SMIM7: variants seen among roughly 807,000 people sequenced by gnomAD.
SMIM7 encodes UPF0608 protein C19orf42.
In SMIM7, 12 loss-of-function variants were observed where a neutral mutation model predicts 13.3. The observed-to-expected ratio is 0.90, with a 90% CI of 0.58 to 1.46. SMIM7 has a LOEUF of 1.46. Ranked by LOEUF, SMIM7 falls within the 40% of genes most tolerant of loss-of-function variation. The pLI is 0.00. For missense variants in SMIM7, 114 were observed against 94.8 expected, an observed-to-expected ratio of 1.20 and a Z score of -0.84; for synonymous variants, 36 against 35.8, an observed-to-expected ratio of 1.01 and a Z score of -0.02.
chr19:16,656,143 T>C (rs2086594993), intron 3 of SMIM7, among the ~76,000 whole-genome samples: 1 of 151,988 alleles, frequency 6.6e-6, no homozygotes, highest in African/African-American at 2.4e-5. Flanking sequence ...CCCAGCACTT[T>C]GGGAGGCCGA....
intron 4 of SMIM7, chr19:16,653,111 C>T (rs1343480316): frequency 5.4e-6 from 5 of 927,856 alleles, no homozygotes; most frequent in Middle Eastern, 3.2e-4. Context: ...ACTGGTGAGA[C>T]GTGACAGGGC....
intron 4 of SMIM7, among the ~76,000 whole-genome samples, chr19:16,650,263 CATCT>C (rs1164243914): frequency 2.6e-5 from 4 of 152,184 alleles, no homozygotes; most frequent in South Asian, 2.1e-4. Flanking sequence ...CATACCTATC[CATCT>C]ATCTAACCAT....
At chr19:16,635,661 C>T (rs1568296892) in intron 4 of SMIM7, among the ~76,000 whole-genome samples, 1 of 151,838 alleles carries the variant, frequency 6.6e-6, no homozygotes, top group Non-Finnish European at 1.5e-5. Flanking sequence ...GCGGGCGGAT[C>T]ACTTGAGGTC....
At chr19:16,639,162 C>T (rs1345381806) in intron 4 of SMIM7, among the ~76,000 whole-genome samples, 4 of 149,230 alleles carry the variant, frequency 2.7e-5, no homozygotes, top group South Asian at 2.1e-4. Context: ...TGCTCTGTCG[C>T]CCAGGCTGGA....
chr19:16,639,695 C>T (rs2086391383), intron 4 of SMIM7, among the ~76,000 whole-genome samples: 1 of 152,190 alleles, frequency 6.6e-6, no homozygotes, highest in Non-Finnish European at 1.5e-5. Context: ...GGGCAGGTAA[C>T]TGAATCATGG....
In SMIM7 at chr19:16,653,094, CAGA is replaced by C. The variant is rs983780278; in HGVS notation, c.212+938_212+940del. 4 of 1,071,872 alleles carry C rather than the reference CAGA, an allele frequency of 3.7e-6. No individual in the cohort carries two copies. In the Admixed American group the frequency reaches 7.6e-5, roughly 20 times the overall value. 66.4% of individuals were successfully genotyped at this position (1,071,872 alleles called of 1,614,324 possible). On this transcript the variant is annotated intron_variant, in intron 4 of 4. Coordinates refer to ENST00000487416, the MANE Select transcript of SMIM7 (RefSeq NM_024104.4). ...ACCATATTTTCCACCTCGGCAGATGCAGAAGAACTGGTGAGACGTGACAGGGCC... is the reference window on the plus strand; with the variant it reads ...ACCATATTTTCCACCTCGGCAGATGCAGAACTGGTGAGACGTGACAGGGCC...
intron 4 of SMIM7, 88 bp downstream of exon 4, chr19:16,653,947 G>T: frequency 9.8e-7 from 1 of 1,025,502 alleles, no homozygotes; most frequent in Non-Finnish European, 1.5e-6. Context: ...AGTGATGACT[G>T]AAAAGACAGA....
chr19:16,660,105 G>A lies in SMIM7; in HGVS notation c.6C>T (p.Ile2=), dbSNP rs11555682. Residue 2 remains isoleucine (I), a synonymous_variant, in exon 1 of 5, where the codon ATC becomes ATT. Transcript: ENST00000487416. M[I]GDILLFGTLL... is the part of the protein sequence containing the mutation. ...ATTACCCGAACAGCAGGATGTCTCC[G>A]ATCATCGTTACGGCCGAAGCGTCCG... The A allele has an allele frequency of 2.2e-4, 351 of 1,614,200 alleles. No homozygotes were observed. Among genetic ancestry groups the A allele is most frequent in the Admixed American group, 5.5e-4 (33 of 60,026 alleles).
intron 4 of SMIM7, among the ~76,000 whole-genome samples, chr19:16,653,348 C>T (rs190451787): frequency 2.4e-4 from 36 of 152,190 alleles, no homozygotes; most frequent in East Asian, 1.9e-3. Flanking sequence ...TTTGGGAGGC[C>T]GAGGCAGGTG....
Position 16,654,189 on chromosome 19 carries a change from A to G in SMIM7, c.122-64T>C, listed in dbSNP as rs113348081. On this transcript the variant is annotated intron_variant, in intron 3 of 4. Transcript: ENST00000487416. ...ATCCCATCCCTACTGCCACCTCAGC[A>G]GTGGATTTTTGTGACTTCCACCCAC... The G allele has an allele frequency of 2.4e-3, 3,388 of 1,436,392 alleles. 82 individuals are homozygous for G. In the African/African-American group the frequency reaches 0.043, roughly 18 times the overall value. 89.0% of individuals were successfully genotyped at this position (1,436,392 alleles called of 1,614,324 possible).
At chr19:16,645,400 T>C (rs1339956441), downstream of SMIM7, 1 of 152,240 alleles carries the variant, frequency 6.6e-6, no homozygotes, top group East Asian at 1.9e-4. Flanking sequence ...GCCAAGATCT[T>C]GGCGTGCCTG....
At chr19:16,648,233 T>G (rs1191299949) in intron 4 of SMIM7, among the ~76,000 whole-genome samples, 1 of 152,086 alleles carries the variant, frequency 6.6e-6, no homozygotes, top group Non-Finnish European at 1.5e-5. Context: ...CTCTGACTCC[T>G]GGGTTCAAGC....
At chr19:16,654,174 T>G (rs779181265) in intron 3 of SMIM7, 49 bp from the exon 4 acceptor site, 2 of 1,489,228 alleles carry the variant, frequency 1.3e-6, no homozygotes, top group Non-Finnish European at 1.9e-6. Flanking sequence ...ATCCCATCCC[T>G]ACTGCCACCT....
chr19:16,632,666 G>A (rs1262869441), intron 4 of SMIM7, among the ~76,000 whole-genome samples: 1 of 151,792 alleles, frequency 6.6e-6, no homozygotes, highest in Non-Finnish European at 1.5e-5. Flanking sequence ...TGAGTAGCTG[G>A]AATTACAGTT....
intron 3 of SMIM7, among the ~76,000 whole-genome samples, chr19:16,654,712 A>C (rs2086574552): frequency 6.6e-6 from 1 of 152,106 alleles, no homozygotes; most frequent in Non-Finnish European, 1.5e-5. Context: ...AAGAAAGAAG[A>C]CTATTTTGTG....
rs1341467439 is a variant in SMIM7 at position 16,646,952 on chromosome 19, TTCTTTTA to T, written c.*287_*293del. 6.1e-6 allele frequency: 3 copies of T among 494,136 alleles called. No individual in the cohort carries two copies. Among genetic ancestry groups the T allele is most frequent in the Non-Finnish European group, 7.3e-6 (2 of 275,130 alleles). The allele number at this position is 494,136 out of a possible 1,614,324, so 30.6% of individuals were successfully genotyped here. A position where few individuals can be genotyped will look rare whatever the true frequency, so the allele number is the denominator to read the frequency against. On this transcript the variant is annotated 3_prime_UTR_variant, in exon 5 of 5. Transcript: ENST00000487416. ...TCAGATCTCTGGATAGAAATGATTTTTCTTTTATCTATGGGGAATGCAATTTCATCAC... is the reference window on the plus strand; with the variant it reads ...TCAGATCTCTGGATAGAAATGATTTTTCTATGGGGAATGCAATTTCATCAC...
At chr19:16,656,429 G>C (rs2086598046) in intron 3 of SMIM7, among the ~76,000 whole-genome samples, 1 of 152,084 alleles carries the variant, frequency 6.6e-6, no homozygotes, top group South Asian at 2.1e-4. Context: ...GCAGTATACA[G>C]GGGATACAGA....
intron 4 of SMIM7, among the ~76,000 whole-genome samples, chr19:16,638,294 CTTTTTTCTTT>C (rs1335711175): frequency 4.3e-5 from 6 of 138,170 alleles, no homozygotes; most frequent in Admixed American, 2.9e-4. Flanking sequence ...AACCTCTTTT[CTTTTTTCTTT>C]TTTTTTTTTT....
chr19:16,654,099 T>G lies in SMIM7; in HGVS notation c.148A>C (p.Ser50Arg). ...ATGAAGATTCGAAAGTATCTGAGGC[T>G]CAGCAAGAATTCCCGGATGTTGTCA... ...TGDNIREFLL[S>R]LRYFRIFIAL... The change falls in exon 4 of 5, where the codon AGC (serine) becomes CGC (arginine). Residue 50 changes from serine (S) to arginine (R), a missense_variant. Transcript: ENST00000487416. The G allele has an allele frequency of 6.2e-7, 1 of 1,614,096 alleles. No individual in the cohort carries two copies. Among genetic ancestry groups the G allele is most frequent in the Non-Finnish European group, 8.5e-7 (1 of 1,180,020 alleles).
Sources: allele counts gnomAD v4.1 joint callset (sites outside exome capture counted in the v4.1 genomes callset), GRCh38; gene constraint gnomAD v4.1.1; transcripts MANE v1.5; gene names NCBI Gene and HGNC (gene_info 2026-07-23, HGNC 2026-07-21).